TFAP2B: variants seen among roughly 807,000 people sequenced by gnomAD.
TFAP2B encodes transcription factor AP-2 beta.
TFAP2B carries 9 observed loss-of-function variants against 44.3 expected under a neutral mutation model. The ratio of observed to expected loss-of-function variants is 0.20; its 90% CI spans 0.12 to 0.35. TFAP2B has a LOEUF of 0.35. TFAP2B is among the 10% of genes least tolerant of loss of function. TFAP2B has a pLI of 1.00. For missense variants in TFAP2B, 509 were observed against 600.0 expected, an observed-to-expected ratio of 0.85 and a Z score of 1.59; for synonymous variants, 270 against 263.8, an observed-to-expected ratio of 1.02 and a Z score of -0.23.
Position 50,823,596 on chromosome 6 carries a change from G to A in TFAP2B, c.271G>A (p.Asp91Asn). ...QSQDPYSHVN[D>N]PYSLNPLHQP... ...CCAGGACCCCTACTCCCACGTCAAC[G>A]ACCCCTACTCCCTGAACCCACTGCA... Residue 91 changes from aspartate (D) to asparagine (N), a missense_variant, in exon 2 of 7, where the codon GAC (aspartate) becomes AAC (asparagine). Transcript: ENST00000393655. 6.2e-7 allele frequency: 1 copy of A among 1,613,184 alleles called. No individual in the cohort carries two copies. Among genetic ancestry groups the A allele is most frequent in the Non-Finnish European group, 8.5e-7 (1 of 1,179,850 alleles).
In TFAP2B at chr6:50,833,626, A is replaced by G. The variant is rs139961323; in HGVS notation, c.602-2435A>G. 2.1e-3 allele frequency among the ~76,000 whole-genome samples: 322 copies of G among 152,334 alleles called. 1 individual carries two copies. Among genetic ancestry groups the G allele is most frequent in the African/African-American group, 7.0e-3 (290 of 41,582 alleles). On this transcript the variant is annotated intron_variant, in intron 3 of 6. Transcript: ENST00000393655. ...TATGCAGGTGATAATGTATATGCAG[A>G]AAGGTACTCAACCCATGGCAGGGAG...
At chr6:50,822,109 G>A (rs1770368710) in intron 1 of TFAP2B, 1 of 1,302,290 alleles carries the variant, frequency 7.7e-7, no homozygotes, top group African/African-American at 1.5e-5. Flanking sequence ...TTGATTTTGA[G>A]CAGTAACCAG....
At chr6:50,831,239 G>C (rs1770661198) in intron 3 of TFAP2B, among the ~76,000 whole-genome samples, 1 of 152,236 alleles carries the variant, frequency 6.6e-6, no homozygotes, top group Non-Finnish European at 1.5e-5. Flanking sequence ...GAGGAAATGA[G>C]TTGTTCCCAG....
chr6:50,832,034 C>T (rs1468374888), intron 3 of TFAP2B, among the ~76,000 whole-genome samples: 1 of 152,100 alleles, frequency 6.6e-6, no homozygotes, highest in African/African-American at 2.4e-5. Context: ...AAGAAATTGC[C>T]AAATTTCTAT....
At chr6:50,830,786 C>T (rs1042147490) in intron 3 of TFAP2B, among the ~76,000 whole-genome samples, 2 of 152,182 alleles carry the variant, frequency 1.3e-5, no homozygotes, top group Non-Finnish European at 2.9e-5. Context: ...TTAGCCCCTT[C>T]CCCTGCACCC....
chr6:50,839,887 G>A (rs1481858228), intron 5 of TFAP2B, among the ~76,000 whole-genome samples: 3 of 152,284 alleles, frequency 2.0e-5, no homozygotes, highest in Non-Finnish European at 4.4e-5. Context: ...AAAGATTAGG[G>A]TGTAGGAGAC....
intron 5 of TFAP2B, 73 bp from the exon 6 acceptor site, chr6:50,840,083 C>G: frequency 1.3e-6 from 2 of 1,592,510 alleles, no homozygotes; most frequent in Non-Finnish European, 1.7e-6. Flanking sequence ...ACAAAGCTGA[C>G]AAGGGAATGT....
chr6:50,837,518 C>T (rs1406555487), intron 4 of TFAP2B, among the ~76,000 whole-genome samples: 2 of 152,168 alleles, frequency 1.3e-5, no homozygotes, highest in African/African-American at 4.8e-5. Flanking sequence ...CCATATACAG[C>T]AACTCTTGAC....
chr6:50,825,884 C>T (rs1223862094), intron 2 of TFAP2B, among the ~76,000 whole-genome samples: 1 of 152,152 alleles, frequency 6.6e-6, no homozygotes, highest in East Asian at 1.9e-4. Flanking sequence ...AAGGGACACA[C>T]CCTGCTCCTG....
intron 3 of TFAP2B, among the ~76,000 whole-genome samples, chr6:50,833,783 G>A (rs1762564507): frequency 6.6e-6 from 1 of 152,170 alleles, no homozygotes; most frequent in African/African-American, 2.4e-5. Flanking sequence ...CTGGGACAGG[G>A]AGAAGCAGGT....
chr6:50,843,041 A>G lies in TFAP2B; in HGVS notation c.1083-51A>G, dbSNP rs369843450. 5.4e-4 allele frequency: 877 copies of G among 1,612,398 alleles called. 2 individuals are homozygous for G. Among genetic ancestry groups the G allele is most frequent in the Non-Finnish European group, 7.0e-4 (828 of 1,178,548 alleles). On this transcript the variant is annotated intron_variant, in intron 6 of 6. Transcript: ENST00000393655. ...TGTGAGCGTCTCCTTTCTAATGCCAATGACAACGACACTGAGGGTGATTTT... is the reference window on the plus strand; with the variant it reads ...TGTGAGCGTCTCCTTTCTAATGCCAGTGACAACGACACTGAGGGTGATTTT...
At chr6:50,832,945 A>G (rs1762544826) in intron 3 of TFAP2B, among the ~76,000 whole-genome samples, 1 of 152,178 alleles carries the variant, frequency 6.6e-6, no homozygotes, top group Non-Finnish European at 1.5e-5. Context: ...AATGCAGCAA[A>G]AAAGGGAGGG....
chr6:50,818,649 G>A (rs1200627334), upstream of TFAP2B: 5 of 515,118 alleles, frequency 9.7e-6, no homozygotes, highest in Non-Finnish European at 1.7e-5. Flanking sequence ...GTGTCTGGGT[G>A]TAAATACGGG....
chr6:50,840,890 G>A (rs1267007363), intron 6 of TFAP2B, among the ~76,000 whole-genome samples: 1 of 152,260 alleles, frequency 6.6e-6, no homozygotes, highest in Non-Finnish European at 1.5e-5. Context: ...TGGCTTCGGT[G>A]TCATATTGTT....
Position 50,823,553 on chromosome 6 carries a change from G to A in TFAP2B, c.228G>A (p.Pro76=). 2 of 1,611,462 alleles carry A rather than the reference G, an allele frequency of 1.2e-6. No individual in the cohort carries two copies. The highest frequency in any genetic ancestry group is 8.5e-7 in the Non-Finnish European group (1 of 1,179,490). ...QPPYFPPPYQ[P]LPYHQSQDPY... is the part of the protein sequence containing the mutation. ...CCTACTTCCCACCCCCCTACCAGCC[G>A]CTCCCCTACCACCAGAGCCAGGACC... Residue 76 remains proline (P), a synonymous_variant, in exon 2 of 7, where the codon CCG becomes CCA. Coordinates refer to ENST00000393655, the MANE Select transcript of TFAP2B (RefSeq NM_003221.4).
chr6:50,837,324 A>AAGT (rs1762642859), intron 4 of TFAP2B, among the ~76,000 whole-genome samples: 1 of 152,230 alleles, frequency 6.6e-6, no homozygotes, highest in African/African-American at 2.4e-5. Context: ...TTTGAGCCTC[A>AAGT]GAGTGTGGAA....
chr6:50,829,887 A>G (rs564511292), intron 3 of TFAP2B, among the ~76,000 whole-genome samples: 57 of 152,318 alleles, frequency 3.7e-4, no homozygotes, highest in African/African-American at 1.0e-3. Flanking sequence ...CCTTGGAATG[A>G]ATATCCTAAA....
chr6:50,843,830 A>G lies in TFAP2B; in HGVS notation c.*438A>G. 6.1e-6 allele frequency: 1 copy of G among 164,406 alleles called. No homozygotes were observed. Among genetic ancestry groups the G allele is most frequent in the East Asian group, 1.8e-4 (1 of 5,488 alleles). The allele number at this position is 164,406 out of a possible 1,614,324, so 10.2% of individuals were successfully genotyped here. A position where few individuals can be genotyped will look rare whatever the true frequency, so the allele number is the denominator to read the frequency against. On this transcript the variant is annotated 3_prime_UTR_variant, in exon 7 of 7. Coordinates refer to ENST00000393655, the MANE Select transcript of TFAP2B (RefSeq NM_003221.4). ...ACGCACGAACTTTTTAATTTTAAAT[A>G]TATTTTTAGGAAACTCTCGCAGTCC...
At chr6:50,833,529 C>T (rs190037347) in intron 3 of TFAP2B, among the ~76,000 whole-genome samples, 1 of 148,184 alleles carries the variant, frequency 6.7e-6, no homozygotes, top group Non-Finnish European at 1.5e-5. Flanking sequence ...GGGGAAAAAA[C>T]AAAAACAAAA....
Sources: gnomAD v4.1 joint callset for allele counts (sites outside exome capture counted in the v4.1 genomes callset) on GRCh38, gnomAD v4.1.1 for gene constraint, MANE v1.5 for transcripts, NCBI Gene and HGNC (gene_info 2026-07-23, HGNC 2026-07-21) for gene names.